Variants in NR3C2 observed in about 807,000 individuals in gnomAD.
The protein encoded by NR3C2 is mineralocorticoid receptor.
Under a neutral mutation model 86.4 loss-of-function variants are expected in NR3C2, and 15 were observed. The observed-to-expected ratio is 0.17, with a 90% CI of 0.12 to 0.27. The LOEUF (loss-of-function observed/expected upper bound fraction) is 0.27. Among genes scored for constraint, NR3C2 ranks in the 10% least tolerant of loss-of-function variants. NR3C2 has a pLI of 1.00. For synonymous variants in NR3C2, 458 were observed against 450.5 expected (o/e 1.02, Z -0.21); for missense variants, 960 against 1,195.6 (o/e 0.80, Z 2.91).
At chr4:148,199,897 A>G (rs952060853) in intron 3 of NR3C2, among the ~76,000 whole-genome samples, 23 of 152,218 alleles carry the variant, frequency 1.5e-4, no homozygotes, top group Non-Finnish European at 3.1e-4. Context: ...AAAAAAAGAT[A>G]TATCATGTGT....
intron 3 of NR3C2, among the ~76,000 whole-genome samples, chr4:148,246,557 T>C (rs1028708622): frequency 2.0e-5 from 3 of 152,178 alleles, no homozygotes; most frequent in Non-Finnish European, 2.9e-5. Flanking sequence ...TATTATTTTA[T>C]TTTATTTTTT....
At chr4:148,329,631 C>A (rs1512342) in intron 2 of NR3C2, among the ~76,000 whole-genome samples, 1 of 152,060 alleles carries the variant, frequency 6.6e-6, no homozygotes, top group Non-Finnish European at 1.5e-5. Context: ...TAAACATCCA[C>A]CATGTAGACA....
intron 2 of NR3C2, among the ~76,000 whole-genome samples, chr4:148,332,153 T>G (rs574380350): frequency 2.0e-5 from 3 of 152,312 alleles, no homozygotes; most frequent in African/African-American, 7.2e-5. Flanking sequence ...ATCATTGAAT[T>G]CTATACTGAG....
chr4:148,430,257 T>A (rs72645614), intron 2 of NR3C2, among the ~76,000 whole-genome samples: 2 of 152,184 alleles, frequency 1.3e-5, no homozygotes, highest in African/African-American at 4.8e-5. Context: ...CCATGGCTTT[T>A]ATCTCAGCAT....
intron 2 of NR3C2, among the ~76,000 whole-genome samples, chr4:148,311,768 C>T (rs1013343167): frequency 5.3e-5 from 8 of 152,244 alleles, no homozygotes; most frequent in African/African-American, 1.7e-4. Flanking sequence ...GCCAATTACA[C>T]TGCACTCTTG....
At chr4:148,396,666 G>C (rs1408413258) in intron 2 of NR3C2, among the ~76,000 whole-genome samples, 5 of 152,118 alleles carry the variant, frequency 3.3e-5, no homozygotes, top group African/African-American at 1.2e-4. Flanking sequence ...ATGAGTCCCT[G>C]AAAACAGGTT....
At chr4:148,267,378 C>G (rs947409933) in intron 2 of NR3C2, among the ~76,000 whole-genome samples, 4 of 151,632 alleles carry the variant, frequency 2.6e-5, no homozygotes, top group Non-Finnish European at 4.4e-5. Context: ...CTCAGCTTCC[C>G]GAGGAGCTGG....
chr4:148,184,373 C>T (rs1044934183), intron 4 of NR3C2, among the ~76,000 whole-genome samples: 14 of 151,280 alleles, frequency 9.3e-5, no homozygotes, highest in African/African-American at 3.2e-4. Flanking sequence ...GCAGGAGAAT[C>T]GCTTGAACCC....
intron 3 of NR3C2, among the ~76,000 whole-genome samples, chr4:148,248,604 G>T (rs1222799014): frequency 6.6e-6 from 1 of 152,152 alleles, no homozygotes; most frequent in Non-Finnish European, 1.5e-5. Context: ...TTAAATCCTG[G>T]TCTTAAATGC....
At chr4:148,211,395 AG>A (rs1316018483) in intron 3 of NR3C2, among the ~76,000 whole-genome samples, 1 of 152,230 alleles carries the variant, frequency 6.6e-6, no homozygotes, top group Non-Finnish European at 1.5e-5. Flanking sequence ...ATTTTTCATT[AG>A]GTGTAAGATA....
rs554795741 is a variant in NR3C2 at position 148,354,046 on chromosome 4, C to A, written c.1757+81058G>T. Among the ~76,000 whole-genome samples the A allele has an allele frequency of 1.5e-4, 23 of 152,136 alleles. No individual in the cohort carries two copies. The East Asian group carries it at 3.1e-3, about 20-fold the overall frequency. ...TAGACATGTACAAAATTACAGTTGACCCTTTAACAATGGGTTGGAACTGCA... is the reference window on the plus strand; with the variant it reads ...TAGACATGTACAAAATTACAGTTGAACCTTTAACAATGGGTTGGAACTGCA... On this transcript the variant is annotated intron_variant, in intron 2 of 8. Coordinates refer to ENST00000358102, the MANE Select transcript of NR3C2 (RefSeq NM_000901.5).
intron 2 of NR3C2, among the ~76,000 whole-genome samples, chr4:148,270,138 C>T (rs1740606321): frequency 6.6e-6 from 1 of 151,296 alleles, no homozygotes; most frequent in Admixed American, 6.6e-5. Context: ...CTTCATCATG[C>T]TGACCTTTAT....
chr4:148,404,112 C>G (rs1198204883), intron 2 of NR3C2, among the ~76,000 whole-genome samples: 1 of 152,064 alleles, frequency 6.6e-6, no homozygotes, highest in East Asian at 1.9e-4. Context: ...TCTTCTGATG[C>G]TTTTTATTTG....
At chr4:148,246,207 T>G (rs1397667698) in intron 3 of NR3C2, among the ~76,000 whole-genome samples, 1 of 152,248 alleles carries the variant, frequency 6.6e-6, no homozygotes, top group Non-Finnish European at 1.5e-5. Context: ...TGACTGCATT[T>G]CAGGTACACA....
At chr4:148,200,423 C>T (rs1736664682) in intron 3 of NR3C2, among the ~76,000 whole-genome samples, 1 of 151,764 alleles carries the variant, frequency 6.6e-6, no homozygotes, top group Non-Finnish European at 1.5e-5. Context: ...GAACTAGAAG[C>T]TACAAGTTAT....
intron 2 of NR3C2, among the ~76,000 whole-genome samples, chr4:148,323,881 A>C (rs1188072795): frequency 6.6e-6 from 1 of 151,878 alleles, no homozygotes; most frequent in Non-Finnish European, 1.5e-5. Context: ...AGCTGTTCCC[A>C]TTTGGCCATC....
At chr4:148,324,234 G>T (rs1406183134) in intron 2 of NR3C2, among the ~76,000 whole-genome samples, 1 of 152,240 alleles carries the variant, frequency 6.6e-6, no homozygotes, top group East Asian at 1.9e-4. Flanking sequence ...GTCTTTCTGT[G>T]TCTGGCTTAT....
intron 8 of NR3C2, among the ~76,000 whole-genome samples, chr4:148,102,665 A>G (rs187371226): frequency 6.6e-6 from 1 of 152,248 alleles, no homozygotes; most frequent in African/African-American, 2.4e-5. Context: ...CAGCACCAGC[A>G]TCCCAACTGG....
At chr4:148,377,336 G>C (rs1023560886) in intron 2 of NR3C2, among the ~76,000 whole-genome samples, 1 of 152,196 alleles carries the variant, frequency 6.6e-6, no homozygotes, top group Non-Finnish European at 1.5e-5. Flanking sequence ...ATGTGGAGAA[G>C]AAAACTTAAT....
Sources: gnomAD v4.1 joint callset for allele counts (sites outside exome capture counted in the v4.1 genomes callset) on GRCh38, gnomAD v4.1.1 for gene constraint, MANE v1.5 for transcripts, NCBI Gene and HGNC (gene_info 2026-07-23, HGNC 2026-07-21) for gene names.